CACNA2D1: variants seen among roughly 807,000 people sequenced by gnomAD.
CACNA2D1 encodes calcium voltage-gated channel auxiliary subunit alpha2delta 1.
CACNA2D1 carries 53 observed loss-of-function variants against 171.5 expected under a neutral mutation model. The observed-to-expected ratio is 0.31, with a 90% CI of 0.25 to 0.39. CACNA2D1 has a LOEUF of 0.39. Ranked by LOEUF, CACNA2D1 falls within the 10% of genes least tolerant of loss-of-function variation. The pLI, the probability that CACNA2D1 is intolerant of heterozygous loss-of-function variation, is 1.00. For synonymous variants in CACNA2D1, 442 were observed against 443.1 expected (o/e 1.00, Z 0.03); for missense variants, 903 against 1,299.8 (o/e 0.69, Z 4.69).
chr7:82,123,476 C>A (rs758654628), intron 5 of CACNA2D1, among the ~76,000 whole-genome samples: 2 of 152,100 alleles, frequency 1.3e-5, no homozygotes, highest in African/African-American at 2.4e-5. Context: ...AAATTAAATA[C>A]GGAGAGAATA....
At chr7:82,048,783 T>C (rs1804850035) in intron 10 of CACNA2D1, among the ~76,000 whole-genome samples, 1 of 152,080 alleles carries the variant, frequency 6.6e-6, no homozygotes, top group African/African-American at 2.4e-5. Context: ...GTCACTCTCT[T>C]TACCTACACT....
chr7:82,302,730 A>G (rs1391871601), intron 3 of CACNA2D1, among the ~76,000 whole-genome samples: 1 of 151,938 alleles, frequency 6.6e-6, no homozygotes, highest in East Asian at 1.9e-4. Context: ...AGGATTTCTA[A>G]TTCTTAAAAT....
chr7:82,390,385 A>T (rs977781231), intron 1 of CACNA2D1, among the ~76,000 whole-genome samples: 7 of 152,150 alleles, frequency 4.6e-5, no homozygotes, highest in Non-Finnish European at 8.8e-5. Flanking sequence ...TTAAAAATTT[A>T]AAAAAAGAGA....
At chr7:82,043,159 T>C (rs560116263) in intron 10 of CACNA2D1, among the ~76,000 whole-genome samples, 4 of 152,314 alleles carry the variant, frequency 2.6e-5, no homozygotes, top group Admixed American at 2.6e-4. Context: ...TGTTAATCAA[T>C]AATCAAGCTA....
At chr7:82,111,649 A>G (rs1049971486) in intron 6 of CACNA2D1, among the ~76,000 whole-genome samples, 1 of 151,190 alleles carries the variant, frequency 6.6e-6, no homozygotes, top group Non-Finnish European at 1.5e-5. Context: ...GAGTTTCACT[A>G]TGTTGCCCAG....
intron 7 of CACNA2D1, among the ~76,000 whole-genome samples, chr7:82,068,758 T>C (rs1391520760): frequency 1.3e-5 from 2 of 151,700 alleles, no homozygotes; most frequent in Non-Finnish European, 2.9e-5. Flanking sequence ...TTAAAGAAAT[T>C]GGAATTTGAA....
intron 3 of CACNA2D1, among the ~76,000 whole-genome samples, chr7:82,305,736 T>C (rs1209308041): frequency 2.0e-5 from 3 of 152,206 alleles, no homozygotes; most frequent in Non-Finnish European, 4.4e-5. Context: ...TTATATGATT[T>C]TCTCCTATTA....
intron 3 of CACNA2D1, among the ~76,000 whole-genome samples, chr7:82,240,365 A>C (rs1489258588): frequency 6.6e-6 from 1 of 152,226 alleles, no homozygotes; most frequent in Admixed American, 6.5e-5. Flanking sequence ...CTGCCATCAT[A>C]GATAAGCTCC....
intron 38 of CACNA2D1, among the ~76,000 whole-genome samples, chr7:81,956,309 A>G (rs1164368914): frequency 6.6e-6 from 1 of 151,936 alleles, no homozygotes; most frequent in Non-Finnish European, 1.5e-5. Context: ...GTAAAAAGAG[A>G]GCTGGCCTAC....
At chr7:82,410,005 A>G (rs1827478153) in intron 1 of CACNA2D1, among the ~76,000 whole-genome samples, 1 of 152,236 alleles carries the variant, frequency 6.6e-6, no homozygotes, top group Non-Finnish European at 1.5e-5. Flanking sequence ...ATATGTCAAC[A>G]TAGAAAGCTA....
intron 4 of CACNA2D1, among the ~76,000 whole-genome samples, chr7:82,139,644 G>C (rs1412857245): frequency 6.6e-6 from 1 of 152,016 alleles, no homozygotes; most frequent in Non-Finnish European, 1.5e-5. Context: ...TCTGGATTCT[G>C]GATTGCATAT....
intron 1 of CACNA2D1, among the ~76,000 whole-genome samples, chr7:82,432,037 T>A (rs1409679040): frequency 7.3e-5 from 6 of 82,222 alleles, no homozygotes; most frequent in East Asian, 3.1e-4. Context: ...GACTCTGTCT[T>A]AAAAAAAAAA....
Position 81,969,891 on chromosome 7 carries a change from G to A in CACNA2D1, c.2298C>T (p.Pro766=). The change falls in exon 28 of 39, where the codon CCC becomes CCT. Residue 766 remains proline (P), a synonymous_variant. Transcript: ENST00000356860. ...CAAAGCAATACTTACTGTTAAAGTA[G>A]GGAGCAGTGAAAACATAGTTATCAT... ...LDNDNYVFTA[P]YFNKSGPGAY... 1 of 1,567,650 alleles carries A rather than the reference G, an allele frequency of 6.4e-7. No homozygotes were observed. Among genetic ancestry groups the A allele is most frequent in the South Asian group, 1.1e-5 (1 of 90,114 alleles).
intron 3 of CACNA2D1, among the ~76,000 whole-genome samples, chr7:82,311,971 G>C (rs28884503): frequency 2.0e-5 from 3 of 152,020 alleles, no homozygotes; most frequent in Non-Finnish European, 2.9e-5. Flanking sequence ...AGGACCTTGA[G>C]AAGAAAGAAA....
At chr7:82,321,101 T>C (rs972820505) in intron 3 of CACNA2D1, among the ~76,000 whole-genome samples, 1 of 152,180 alleles carries the variant, frequency 6.6e-6, no homozygotes, top group Non-Finnish European at 1.5e-5. Flanking sequence ...TACCTGACAC[T>C]TGAGAGTGAG....
chr7:82,378,954 T>C (rs1024867702), intron 1 of CACNA2D1, among the ~76,000 whole-genome samples: 7 of 150,570 alleles, frequency 4.6e-5, no homozygotes, highest in African/African-American at 1.7e-4. Flanking sequence ...TGTGTGTGTG[T>C]GTGTGTGTGT....
chr7:82,367,410 T>G (rs1267461529), intron 1 of CACNA2D1, among the ~76,000 whole-genome samples: 1 of 152,088 alleles, frequency 6.6e-6, no homozygotes, highest in African/African-American at 2.4e-5. Flanking sequence ...TCTCATTCCT[T>G]TAAGCACCAG....
At chr7:82,412,630 G>A (rs1827799010) in intron 1 of CACNA2D1, among the ~76,000 whole-genome samples, 1 of 151,802 alleles carries the variant, frequency 6.6e-6, no homozygotes, top group African/African-American at 2.4e-5. Flanking sequence ...GGTTCTCAAA[G>A]AATGTGGAAA....
At chr7:82,377,927 G>C (rs573699767) in intron 1 of CACNA2D1, among the ~76,000 whole-genome samples, 9 of 152,294 alleles carry the variant, frequency 5.9e-5, no homozygotes, top group African/African-American at 2.2e-4. Flanking sequence ...TCACTTGGGA[G>C]TTCAGGTCTC....
Sources: allele counts gnomAD v4.1 joint callset (sites outside exome capture counted in the v4.1 genomes callset), GRCh38; gene constraint gnomAD v4.1.1; transcripts MANE v1.5; gene names NCBI Gene and HGNC (gene_info 2026-07-23, HGNC 2026-07-21).